Variants in SCUBE1 observed in about 807,000 individuals in gnomAD.
SCUBE1 encodes the protein signal peptide, CUB domain and EGF like domain containing 1.
In SCUBE1, 59 loss-of-function variants were observed where a neutral mutation model predicts 124.4. That is an observed-to-expected ratio of 0.47 (90% CI 0.38 to 0.59). The LOEUF (loss-of-function observed/expected upper bound fraction) is 0.59. Ranked by LOEUF, SCUBE1 falls within the 20% of genes least tolerant of loss-of-function variation. The probability of loss-of-function intolerance (pLI) is 0.00; values close to 1 mark genes in which losing one functional copy is unlikely to be tolerated. For missense variants in SCUBE1, 1,150 were observed against 1,371.2 expected (o/e 0.84, Z 2.55); for synonymous variants, 545 against 550.9 (o/e 0.99, Z 0.15).
At chr22:43,271,945 T>C (rs1179011011) in intron 4 of SCUBE1, among the ~76,000 whole-genome samples, 1 of 152,106 alleles carries the variant, frequency 6.6e-6, no homozygotes, top group Admixed American at 6.5e-5. Context: ...CTTAGACAGA[T>C]CAAGAGACTT....
chr22:43,247,465 C>T (rs1039717810), intron 6 of SCUBE1, among the ~76,000 whole-genome samples: 2 of 152,224 alleles, frequency 1.3e-5, no homozygotes, highest in Non-Finnish European at 2.9e-5. Flanking sequence ...GCTCTAAGAA[C>T]AAATGCACGG....
chr22:43,252,388 G>A (rs1291977504), intron 6 of SCUBE1, among the ~76,000 whole-genome samples: 1 of 152,208 alleles, frequency 6.6e-6, no homozygotes, highest in Non-Finnish European at 1.5e-5. Flanking sequence ...CTAAGAGATG[G>A]CCACTTTGGC....
intron 8 of SCUBE1, among the ~76,000 whole-genome samples, chr22:43,230,029 A>G (rs139015): frequency 0.72 from 109,282 of 152,150 alleles, 39,522 homozygotes; most frequent in African/African-American, 0.79. Flanking sequence ...GCGTATTTAT[A>G]AAACCACTAA....
Position 43,278,133 on chromosome 22 carries a change from G to A in SCUBE1, c.484+12913C>T, listed in dbSNP as rs544982988. 7.9e-5 allele frequency among the ~76,000 whole-genome samples: 12 copies of A among 152,372 alleles called. No individual in the cohort carries two copies. In the East Asian group the frequency reaches 2.3e-3, roughly 29 times the overall value. ...GAGGCTCATAAAAAATAATGGGCTG[G>A]ATTTATTGTCCCCACCTTGAGGGCC... is the stretch of plus-strand genomic sequence containing the variant. On this transcript the variant is annotated intron_variant, in intron 4 of 21. Transcript: ENST00000360835.
chr22:43,325,444 TA>T (rs35598383), intron 2 of SCUBE1, among the ~76,000 whole-genome samples: 154 of 89,488 alleles, frequency 1.7e-3, no homozygotes, highest in East Asian at 0.014. Context: ...ACTCCGTCTT[TA>T]AAAAAAAAAA....
chr22:43,249,690 C>T (rs891373275), intron 6 of SCUBE1, among the ~76,000 whole-genome samples: 17 of 152,218 alleles, frequency 1.1e-4, no homozygotes, highest in Admixed American at 8.5e-4. Context: ...AAACCCGGGG[C>T]TCAGAGGGGT....
Position 43,223,243 on chromosome 22 carries a change from TGA to T in SCUBE1, c.1208-29_1208-28del, listed in dbSNP as rs1428796073. 4.5e-6 allele frequency: 7 copies of T among 1,555,168 alleles called. No individual in the cohort carries two copies. The African/African-American group carries it at 8.5e-5, about 19-fold the overall frequency. ...TATGAAGGGAGATACGAGAGAGGGC[TGA>T]GAGAGGCCAGGGCGGAGGCTTCCTG... On this transcript the variant is annotated intron_variant, in intron 10 of 21. Coordinates refer to ENST00000360835, the MANE Select transcript of SCUBE1 (RefSeq NM_173050.5).
At chr22:43,335,257 G>C (rs529643867) in intron 2 of SCUBE1, among the ~76,000 whole-genome samples, 42 of 152,314 alleles carry the variant, frequency 2.8e-4, no homozygotes, top group Admixed American at 2.4e-3. Context: ...AGAGAAGCCA[G>C]CAGGGATCTG....
At chr22:43,342,651 C>T (rs1429446753) in intron 1 of SCUBE1, among the ~76,000 whole-genome samples, 1 of 151,982 alleles carries the variant, frequency 6.6e-6, no homozygotes, top group Non-Finnish European at 1.5e-5. Flanking sequence ...GGCCTCCTCT[C>T]TACCCTTCCG....
chr22:43,320,953 G>C (rs1926523234), intron 2 of SCUBE1, among the ~76,000 whole-genome samples: 1 of 152,226 alleles, frequency 6.6e-6, no homozygotes, highest in African/African-American at 2.4e-5. Context: ...TGCCAGCCTG[G>C]TGGTGCCGGC....
rs536196488 is a variant in SCUBE1 at position 43,298,561 on chromosome 22, T to C, written c.350-7381A>G. ...CCGCTGGGGTCTGCTCACTCTGCTC[T>C]CCGCAACCTGAGTCCTGCCTTCCAG... On this transcript the variant is annotated intron_variant, in intron 3 of 21. Coordinates refer to ENST00000360835, the MANE Select transcript of SCUBE1 (RefSeq NM_173050.5). 1.2e-4 allele frequency among the ~76,000 whole-genome samples: 18 copies of C among 152,312 alleles called. No homozygotes were observed. The South Asian group carries it at 2.5e-3, about 21-fold the overall frequency.
chr22:43,333,462 T>C (rs745756327), intron 2 of SCUBE1, among the ~76,000 whole-genome samples: 7 of 152,176 alleles, frequency 4.6e-5, no homozygotes, highest in Admixed American at 1.3e-4. Context: ...AGAGAAACTG[T>C]TCCCAGAATG....
At chr22:43,253,388 G>A (rs1236042808) in intron 6 of SCUBE1, among the ~76,000 whole-genome samples, 1 of 152,152 alleles carries the variant, frequency 6.6e-6, no homozygotes, top group Admixed American at 6.5e-5. Context: ...CAGGGGGTGA[G>A]GCCTTGGCTA....
intron 6 of SCUBE1, among the ~76,000 whole-genome samples, chr22:43,239,908 C>T (rs957037619): frequency 2.6e-5 from 4 of 152,206 alleles, no homozygotes; most frequent in African/African-American, 9.7e-5. Context: ...TGCCTTCTCC[C>T]TTAACGGTCT....
At chr22:43,230,114 A>T (rs1375038997) in intron 8 of SCUBE1, among the ~76,000 whole-genome samples, 1 of 152,212 alleles carries the variant, frequency 6.6e-6, no homozygotes, top group African/African-American at 2.4e-5. Context: ...ACCTCCGGGT[A>T]CTTGCGGCAC....
chr22:43,276,947 C>T (rs567617382), intron 4 of SCUBE1, among the ~76,000 whole-genome samples: 20 of 152,308 alleles, frequency 1.3e-4, no homozygotes, highest in Non-Finnish European at 2.6e-4. Context: ...TGCCTGCTCC[C>T]TACAGACCCC....
At chr22:43,219,459 G>A (rs113036636) in intron 14 of SCUBE1, among the ~76,000 whole-genome samples, 375 of 151,512 alleles carry the variant, frequency 2.5e-3, no homozygotes, top group African/African-American at 8.7e-3. Flanking sequence ...TTTTAGCAAC[G>A]CAAATAGACT....
chr22:43,330,879 C>T (rs559985220), intron 2 of SCUBE1, among the ~76,000 whole-genome samples: 7 of 152,286 alleles, frequency 4.6e-5, no homozygotes, highest in African/African-American at 7.2e-5. Context: ...CTTTCATCTT[C>T]GGCAGAGCAC....
chr22:43,322,236 G>GCCT (rs1279307229), intron 2 of SCUBE1, among the ~76,000 whole-genome samples: 2 of 152,082 alleles, frequency 1.3e-5, no homozygotes, highest in African/African-American at 4.8e-5. Flanking sequence ...GCCCACCTTG[G>GCCT]CCTCCCAAAG....
Sources: gnomAD v4.1 joint callset for allele counts (sites outside exome capture counted in the v4.1 genomes callset) on GRCh38, gnomAD v4.1.1 for gene constraint, MANE v1.5 for transcripts, NCBI Gene and HGNC (gene_info 2026-07-23, HGNC 2026-07-21) for gene names.